CYTH3: variants seen among roughly 807,000 people sequenced by gnomAD.
CYTH3 encodes the protein cytohesin-3.
In CYTH3, 23 loss-of-function variants were observed where a neutral mutation model predicts 55.1. The ratio of observed to expected loss-of-function variants is 0.42; its 90% CI spans 0.30 to 0.59. The LOEUF (loss-of-function observed/expected upper bound fraction) is 0.59, where lower values mean the gene tolerates loss of function less well. CYTH3 is among the 20% of genes least tolerant of loss of function. The probability of loss-of-function intolerance (pLI) is 0.20; values close to 1 mark genes in which losing one functional copy is unlikely to be tolerated. For missense variants in CYTH3, 413 were observed against 524.8 expected (o/e 0.79, Z 2.08); for synonymous variants, 249 against 194.9 (o/e 1.28, Z -2.31).
At chr7:6,244,827 C>T (rs961448113) in intron 1 of CYTH3, among the ~76,000 whole-genome samples, 2 of 151,828 alleles carry the variant, frequency 1.3e-5, no homozygotes, top group Non-Finnish European at 2.9e-5. Flanking sequence ...CTTGCTCTGT[C>T]ACCCAGGCTG....
At chr7:6,195,137 TAAAAA>T (rs950349724) in intron 1 of CYTH3, among the ~76,000 whole-genome samples, 14 of 152,070 alleles carry the variant, frequency 9.2e-5, no homozygotes, top group African/African-American at 3.1e-4. Context: ...TGGTTATGCC[TAAAAA>T]AAGAGAACAA....
chr7:6,173,102 T>A, intron 6 of CYTH3: 2 of 1,003,378 alleles, frequency 2.0e-6, no homozygotes, highest in African/African-American at 1.7e-5. Flanking sequence ...CCAGAACAGA[T>A]GAAGAGCCCA....
At chr7:6,260,738 T>G (rs1583205688) in intron 1 of CYTH3, among the ~76,000 whole-genome samples, 1 of 152,150 alleles carries the variant, frequency 6.6e-6, no homozygotes, top group African/African-American at 2.4e-5. Context: ...CTGGTTACCC[T>G]CCCAGTCCCC....
chr7:6,259,757 TTA>T (rs374899666), intron 1 of CYTH3, among the ~76,000 whole-genome samples: 38 of 37,462 alleles, frequency 1.0e-3, no homozygotes, highest in Non-Finnish European at 1.2e-3. Flanking sequence ...TATATATATA[TTA>T]TATATATATA....
At chr7:6,233,336 A>C (rs906245456) in intron 1 of CYTH3, among the ~76,000 whole-genome samples, 2 of 152,214 alleles carry the variant, frequency 1.3e-5, no homozygotes, top group Non-Finnish European at 2.9e-5. Context: ...GCTTTGACCC[A>C]TATCTAAGAG....
chr7:6,224,582 A>G (rs535711410), intron 1 of CYTH3, among the ~76,000 whole-genome samples: 3 of 152,334 alleles, frequency 2.0e-5, no homozygotes, highest in Non-Finnish European at 1.5e-5. Context: ...CAAGGATGTA[A>G]GGAAATTTAA....
chr7:6,196,456 C>CTTTTTTTTTTTTTTTTT (rs5882084), intron 1 of CYTH3, among the ~76,000 whole-genome samples: 1 of 113,984 alleles, frequency 8.8e-6, no homozygotes, highest in Non-Finnish European at 1.7e-5. Context: ...TTCTTTTTTT[C>CTTTTTTTTTTTTTTTTT]TTTTTTTTTT....
At chr7:6,236,546 C>T (rs539352400) in intron 1 of CYTH3, among the ~76,000 whole-genome samples, 31 of 149,242 alleles carry the variant, frequency 2.1e-4, no homozygotes, top group Non-Finnish European at 4.3e-4. Flanking sequence ...GTCCACCACC[C>T]CTCTTTTTTA....
chr7:6,218,937 G>A (rs550398603), intron 1 of CYTH3, among the ~76,000 whole-genome samples: 10 of 151,128 alleles, frequency 6.6e-5, no homozygotes, highest in South Asian at 2.1e-4. Flanking sequence ...CCCGGGAGGC[G>A]GAGGTTGCAG....
chr7:6,199,930 A>G (rs1352453296), intron 1 of CYTH3, among the ~76,000 whole-genome samples: 1 of 152,250 alleles, frequency 6.6e-6, no homozygotes, highest in African/African-American at 2.4e-5. Context: ...AGACTGAGAA[A>G]TGAAAGGTGT....
chr7:6,221,806 G>A (rs937324321), intron 1 of CYTH3, among the ~76,000 whole-genome samples: 3 of 152,086 alleles, frequency 2.0e-5, no homozygotes, highest in Admixed American at 2.0e-4. Flanking sequence ...AAGGAAATTA[G>A]CCAGACATAG....
rs370954827 is a variant in CYTH3, at chr7:6,169,182, TGAG to T, written c.823+1350_823+1352del. Among the ~76,000 whole-genome samples the T allele has an allele frequency of 3.4e-3, 524 of 152,336 alleles. 2 individuals carry two copies. The highest frequency in any genetic ancestry group is 0.012 in the African/African-American group (505 of 41,580). On this transcript the variant is annotated intron_variant, in intron 9 of 12. Coordinates refer to ENST00000350796, the MANE Select transcript of CYTH3 (RefSeq NM_004227.4). The surrounding 1 kb of genome is among the most constrained non-coding windows in gnomAD (Gnocchi z 4.1). ...TGGGACTCACACCCTTTCCACCAGC[TGAG>T]GAGGCCTGTGCCCGTCACACCGTGT...
rs760964732 is a variant in CYTH3 at position 6,165,009 on chromosome 7, T to C, written c.1135A>G (p.Ile379Val). ...ATGTCATAGAAGGGATCTCTGCTGATACTGGCTCTGGTGAAAAAAGGAAAA... is the reference window on the plus strand; with the variant it reads ...ATGTCATAGAAGGGATCTCTGCTGACACTGGCTCTGGTGAAAAAAGGAAAA... ...EEWMKSIKAS[I>V]SRDPFYDMLA... The change falls in exon 13 of 13, where the codon ATC becomes GTC. Residue 379 changes from isoleucine to valine, a missense_variant. Transcript: ENST00000350796. The C allele has an allele frequency of 1.2e-6, 2 of 1,614,216 alleles. No individual in the cohort carries two copies.
chr7:6,243,779 T>TTAAA, intron 1 of CYTH3, among the ~76,000 whole-genome samples: 1 of 152,302 alleles, frequency 6.6e-6, no homozygotes, highest in East Asian at 1.9e-4. Context: ...TGACTATGTC[T>TTAAA]TAAAGTAACT....
chr7:6,216,257 T>C (rs751564072), intron 1 of CYTH3, among the ~76,000 whole-genome samples: 13 of 152,062 alleles, frequency 8.5e-5, no homozygotes, highest in Non-Finnish European at 1.6e-4. Context: ...AGATTACAAA[T>C]TGGAGACAGT....
intron 1 of CYTH3, among the ~76,000 whole-genome samples, chr7:6,231,961 G>A (rs1283925100): frequency 6.6e-6 from 1 of 152,098 alleles, no homozygotes; most frequent in Non-Finnish European, 1.5e-5. Context: ...GCCATAACCT[G>A]CAACAATTTA....
chr7:6,166,106 G>C (rs1782996594), intron 9 of CYTH3, among the ~76,000 whole-genome samples: 1 of 152,234 alleles, frequency 6.6e-6, no homozygotes, highest in African/African-American at 2.4e-5. Context: ...TGAGATGGCA[G>C]TGTGATGAAG....
rs1434683243 is a variant in CYTH3, at chr7:6,162,124, A to G, written c.*2820T>C. ...AAATAGGCATTGCTTTCTATGAAGC[A>G]CTAAGTGCTGCTCCATCTATAAATA... is the stretch of plus-strand genomic sequence containing the variant. On this transcript the variant is annotated 3_prime_UTR_variant, in exon 13 of 13. Transcript: ENST00000350796. The G allele has an allele frequency of 6.5e-6, 1 of 152,676 alleles. No individual in the cohort carries two copies. 9.5% of individuals were successfully genotyped at this position (152,676 alleles called of 1,614,324 possible). A position where few individuals can be genotyped will look rare whatever the true frequency, so the allele number is the denominator to read the frequency against.
At chr7:6,248,157 C>G (rs1779868718) in intron 1 of CYTH3, among the ~76,000 whole-genome samples, 1 of 150,210 alleles carries the variant, frequency 6.7e-6, no homozygotes, top group South Asian at 2.1e-4. Flanking sequence ...AATTATATCC[C>G]CCTCCTATTT....
Sources: allele counts gnomAD v4.1 joint callset (sites outside exome capture counted in the v4.1 genomes callset), GRCh38; gene constraint gnomAD v4.1.1; non-coding constraint Gnocchi (gnomAD v3.1); transcripts MANE v1.5; gene names NCBI Gene and HGNC (gene_info 2026-07-23, HGNC 2026-07-21).